Variants in KLRD1 observed in about 807,000 individuals in gnomAD.
KLRD1 encodes natural killer cells antigen CD94.
In KLRD1, 21 loss-of-function variants were observed where a neutral mutation model predicts 22.6. That is an observed-to-expected ratio of 0.93 (90% confidence interval 0.66 to 1.34). The LOEUF is 1.34. KLRD1 is among the 40% of genes most tolerant of loss of function. The pLI, the probability that KLRD1 is intolerant of heterozygous loss-of-function variation, is 0.00. For synonymous variants in KLRD1, 59 were observed against 71.1 expected (o/e 0.83, Z 0.85); for missense variants, 183 against 208.6 (o/e 0.88, Z 0.76).
chr12:10,288,550 C>T (rs780640417), intron 1 of KLRD1, among the ~76,000 whole-genome samples: 16 of 152,184 alleles, frequency 1.1e-4, no homozygotes, highest in East Asian at 5.8e-4. Flanking sequence ...TGACTTTGAG[C>T]GTGTTTCCTT....
intron 1 of KLRD1, among the ~76,000 whole-genome samples, chr12:10,275,664 T>C (rs1045403353): frequency 1.3e-5 from 2 of 152,218 alleles, no homozygotes; most frequent in South Asian, 2.1e-4. Flanking sequence ...TACAATGGAA[T>C]GTTATTTTAG....
intron 1 of KLRD1, among the ~76,000 whole-genome samples, chr12:10,274,253 C>G (rs771747877): frequency 2.0e-5 from 3 of 151,998 alleles, no homozygotes; most frequent in Non-Finnish European, 2.9e-5. Context: ...GCACTCCAGC[C>G]TGGGTGACAG....
In KLRD1 at chr12:10,327,876, A is replaced by T. The variant is rs990066091; in HGVS notation, c.*13083A>T. On this transcript the variant is annotated 3_prime_UTR_variant, in exon 6 of 6. Coordinates refer to ENST00000336164, the MANE Select transcript of KLRD1 (RefSeq NM_002262.5). ...CAGGAGTTATCATCATAAAATGGGT[A>T]TTAAATTTTGTGAAAACTTTTTTTC... 6.6e-6 allele frequency: 1 copy of T among 152,146 alleles called. No homozygotes were observed. Among genetic ancestry groups the T allele is most frequent in the Non-Finnish European group, 1.5e-5 (1 of 67,990 alleles). The allele number at this position is 152,146 out of a possible 1,614,324, so 9.4% of individuals were successfully genotyped here.
At chr12:10,267,822 T>C (rs750359096) in intron 1 of KLRD1, among the ~76,000 whole-genome samples, 19 of 152,222 alleles carry the variant, frequency 1.2e-4, no homozygotes, top group Non-Finnish European at 2.5e-4. Flanking sequence ...CTGTCATTCT[T>C]ACAGTTATCC....
At position 10,273,085 on chromosome 12, in the gene KLRD1, C is replaced by T. The variant is rs150995951; in HGVS notation, c.-100-34893C>T. Among the ~76,000 whole-genome samples the T allele has an allele frequency of 3.8e-3, 583 of 152,186 alleles. 4 individuals are homozygous for T. Among genetic ancestry groups the T allele is most frequent in the African/African-American group, 0.013 (553 of 41,550 alleles). Reference sequence around the variant, plus strand: ...ATATAATCTCTAACATAATTATTCACAGCTTTATCTAATTTTTCAAATGAC... The same window carrying T: ...ATATAATCTCTAACATAATTATTCATAGCTTTATCTAATTTTTCAAATGAC... On this transcript the variant is annotated intron_variant, in intron 1 of 5. Coordinates refer to the KLRD1 transcript ENST00000544747.
chr12:10,299,854 A>T (rs543749816), upstream of KLRD1, among the ~76,000 whole-genome samples: 4 of 152,326 alleles, frequency 2.6e-5, no homozygotes, highest in South Asian at 8.3e-4. Flanking sequence ...CCGTTGCTTT[A>T]TCAACTAAGT....
Position 10,253,635 on chromosome 12 carries a change from AT to A in KLRD1, c.-101+27405del, listed in dbSNP as rs139701758. ...TTTTCTGTGTTCATAAGTTCTTATC[AT>A]TTAGCTCCCACTTATAAATGAGATC... On this transcript the variant is annotated intron_variant, in intron 1 of 5. Transcript: ENST00000544747. Among the ~76,000 whole-genome samples the A allele has an allele frequency of 3.9e-3, 594 of 152,228 alleles. 19 individuals carry two copies. The East Asian group carries it at 0.068, about 17-fold the overall frequency.
rs762565508 is a variant in KLRD1, at chr12:10,313,444, T to C, written c.350T>C (p.Ile117Thr). 1.9e-6 allele frequency: 3 copies of C among 1,607,700 alleles called. No individual in the cohort carries two copies. The highest frequency in any genetic ancestry group is 1.3e-5 in the African/African-American group (1 of 74,584). ...AGCTCCAGTCAACAATTTTACTGGATTGGACTCTCTTACAGTGAGGAGCAC... is the reference window on the plus strand; with the variant it reads ...AGCTCCAGTCAACAATTTTACTGGACTGGACTCTCTTACAGTGAGGAGCAC... ...FMSSSQQFYW[I>T]GLSYSEEHTA... Residue 117 changes from isoleucine (I) to threonine (T), a missense_variant, in exon 5 of 6, where the codon ATT becomes ACT. Transcript: ENST00000336164.
intron 1 of KLRD1, among the ~76,000 whole-genome samples, chr12:10,254,167 G>A (rs1949370384): frequency 6.6e-6 from 1 of 151,794 alleles, no homozygotes. Flanking sequence ...GGTGGCTCAC[G>A]CCTGTAATCC....
chr12:10,240,591 C>G (rs1322710885), intron 1 of KLRD1, among the ~76,000 whole-genome samples: 1 of 152,028 alleles, frequency 6.6e-6, no homozygotes, highest in Non-Finnish European at 1.5e-5. Context: ...TACCATGTGC[C>G]CATCACCCAG....
intron 1 of KLRD1, among the ~76,000 whole-genome samples, chr12:10,299,023 T>C (rs1949845474): frequency 6.6e-6 from 1 of 152,308 alleles, no homozygotes; most frequent in Non-Finnish European, 1.5e-5. Context: ...GAAATGACTT[T>C]CATTCTGGTT....
At chr12:10,252,307 G>A (rs897349351) in intron 1 of KLRD1, among the ~76,000 whole-genome samples, 2 of 152,120 alleles carry the variant, frequency 1.3e-5, no homozygotes, top group Admixed American at 1.3e-4. Flanking sequence ...TTAGCTGTGT[G>A]TGGTGATGTG....
In KLRD1 at chr12:10,289,391, C is replaced by T. The variant is rs116981933; in HGVS notation, c.-100-18587C>T. 9.0e-4 allele frequency among the ~76,000 whole-genome samples: 137 copies of T among 152,274 alleles called. 3 individuals carry two copies. In the East Asian group the frequency reaches 0.022, roughly 24 times the overall value. On this transcript the variant is annotated intron_variant, in intron 1 of 5. Transcript: ENST00000544747. ...GGACTCTAATTAAGAAATTTTGAAA[C>T]GAGTTATGTTTTCTCCATTCTGGCT... is the stretch of plus-strand genomic sequence containing the variant.
upstream of KLRD1, among the ~76,000 whole-genome samples, chr12:10,303,015 T>C (rs1420055309): frequency 3.3e-5 from 5 of 152,208 alleles, no homozygotes; most frequent in African/African-American, 4.8e-5. Context: ...GCCTTAAGGT[T>C]AAACTATAAA....
chr12:10,265,052 CCT>C (rs1232495481), intron 1 of KLRD1, among the ~76,000 whole-genome samples: 3 of 151,800 alleles, frequency 2.0e-5, no homozygotes, highest in Admixed American at 1.3e-4. Flanking sequence ...TGAATAATAC[CCT>C]CTCTCTATAT....
chr12:10,288,242 CAAAA>C (rs71300167), intron 1 of KLRD1, among the ~76,000 whole-genome samples: 2 of 94,918 alleles, frequency 2.1e-5, no homozygotes, highest in Admixed American at 1.1e-4. Flanking sequence ...GACTCCGTCT[CAAAA>C]AAAAAAAAAA....
chr12:10,264,483 C>A (rs1019120440), intron 1 of KLRD1, among the ~76,000 whole-genome samples: 1 of 122,144 alleles, frequency 8.2e-6, no homozygotes, highest in African/African-American at 2.6e-5. Flanking sequence ...AACACAGCTT[C>A]GCTCTAGCAA....
intron 1 of KLRD1, among the ~76,000 whole-genome samples, chr12:10,241,546 A>G (rs139462556): frequency 6.6e-6 from 1 of 152,238 alleles, no homozygotes; most frequent in African/African-American, 2.4e-5. Context: ...AAATGACATT[A>G]CTGAGTTGTA....
chr12:10,245,816 A>G (rs1949285411), intron 1 of KLRD1, among the ~76,000 whole-genome samples: 1 of 152,048 alleles, frequency 6.6e-6, no homozygotes, highest in African/African-American at 2.4e-5. Context: ...CCCTTAAGAA[A>G]CATTTATTTT....
Sources: allele counts gnomAD v4.1 joint callset (sites outside exome capture counted in the v4.1 genomes callset), GRCh38; gene constraint gnomAD v4.1.1; transcripts MANE v1.5; gene names NCBI Gene and HGNC (gene_info 2026-07-23, HGNC 2026-07-21).